RGMB: variants seen among roughly 807,000 people sequenced by gnomAD.
The protein encoded by RGMB is repulsive guidance molecule B.
Under a neutral mutation model 26.9 loss-of-function variants are expected in RGMB, and 16 were observed. The ratio of observed to expected loss-of-function variants is 0.60; its 90% CI spans 0.40 to 0.90. RGMB has a LOEUF of 0.90. Ranked by LOEUF, RGMB falls within the 40% of genes least tolerant of loss-of-function variation. The probability of loss-of-function intolerance (pLI) is 0.00; values close to 1 mark genes in which losing one functional copy is unlikely to be tolerated. For missense variants in RGMB, 512 were observed against 573.3 expected (o/e 0.89, Z 1.09); for synonymous variants, 225 against 229.3 (o/e 0.98, Z 0.17).
upstream of RGMB, chr5:98,770,652 G>A (rs1477949560): frequency 2.7e-6 from 4 of 1,456,370 alleles, no homozygotes; most frequent in Non-Finnish European, 3.6e-6. Context: ...CCCCCTCCAG[G>A]AGCGAAAGGG....
chr5:98,774,449 G>T (rs1746320168), intron 1 of RGMB, among the ~76,000 whole-genome samples: 1 of 152,190 alleles, frequency 6.6e-6, no homozygotes, highest in South Asian at 2.1e-4. Flanking sequence ...GGCTCGGACC[G>T]CTGACAAATC....
chr5:98,771,287 A>G (rs1746153316), upstream of RGMB: 1 of 152,196 alleles, frequency 6.6e-6, no homozygotes, highest in Non-Finnish European at 1.5e-5. Flanking sequence ...TTTTCTGATT[A>G]AAACATAAAA....
At chr5:98,790,768 GTTTAAATTT>G (rs549819872) in intron 2 of RGMB, among the ~76,000 whole-genome samples, 2 of 152,308 alleles carry the variant, frequency 1.3e-5, no homozygotes, top group East Asian at 3.9e-4. Context: ...TATCAAGTTG[GTTTAAATTT>G]TAGGTTTGTT....
chr5:98,794,159 T>A lies in RGMB; in HGVS notation c.*406T>A, dbSNP rs1473006013. The A allele has an allele frequency of 6.5e-6, 1 of 154,998 alleles. No individual in the cohort carries two copies. The highest frequency in any genetic ancestry group is 2.4e-5 in the African/African-American group (1 of 41,490). The allele number at this position is 154,998 out of a possible 1,614,324, so 9.6% of individuals were successfully genotyped here. On this transcript the variant is annotated 3_prime_UTR_variant, in exon 3 of 3. Coordinates refer to ENST00000513185, the MANE Select transcript of RGMB (RefSeq NM_001366508.1). ...TATTCTTGGCTGTACCTTCCTGCCC[T>A]TTCCCATTGCTACTGATTTGCCACG...
At chr5:98,776,994 G>A (rs1415733569) in intron 1 of RGMB, among the ~76,000 whole-genome samples, 1 of 151,994 alleles carries the variant, frequency 6.6e-6, no homozygotes. Flanking sequence ...GCTGAGGTAG[G>A]AGAATCGCTT....
chr5:98,778,543 A>G (rs1167758173), intron 1 of RGMB, among the ~76,000 whole-genome samples: 1 of 152,224 alleles, frequency 6.6e-6, no homozygotes, highest in African/African-American at 2.4e-5. Context: ...GTTACAGTTC[A>G]TTTATATAAA....
At chr5:98,785,218 CAG>C (rs1321477608) in intron 2 of RGMB, among the ~76,000 whole-genome samples, 2 of 152,320 alleles carry the variant, frequency 1.3e-5, no homozygotes, top group East Asian at 3.9e-4. Context: ...GCATTTGAAA[CAG>C]AAGGTACTAA....
At chr5:98,791,569 G>T (rs1746931399) in intron 2 of RGMB, among the ~76,000 whole-genome samples, 1 of 152,128 alleles carries the variant, frequency 6.6e-6, no homozygotes, top group Non-Finnish European at 1.5e-5. Flanking sequence ...GAGGTAGAAG[G>T]TTTCCTCCAT....
Position 98,793,091 on chromosome 5 carries a change from A to G in RGMB, c.652A>G (p.Ile218Val), listed in dbSNP as rs1303272426. The G allele has an allele frequency of 6.2e-6, 10 of 1,600,540 alleles. No individual in the cohort carries two copies. Among genetic ancestry groups the G allele is most frequent in the East Asian group, 2.2e-5 (1 of 44,588 alleles). Reference protein sequence around the residue: ...SSATATNKITIIFKAHHECTD... With the variant: ...SSATATNKITVIFKAHHECTD... ...TACATGCTCCTTCCCACAGATCACT[A>G]TTATCTTCAAAGCCCACCATGAGTG... Residue 218 changes from isoleucine to valine, a missense_variant, in exon 3 of 3, where the codon ATT (isoleucine) becomes GTT (valine). By Grantham distance (29) the Ile-to-Val change is conservative. Coordinates refer to ENST00000513185, the MANE Select transcript of RGMB (RefSeq NM_001366508.1).
At chr5:98,790,522 C>CA (rs1361558478) in intron 2 of RGMB, among the ~76,000 whole-genome samples, 1 of 152,126 alleles carries the variant, frequency 6.6e-6, no homozygotes, top group Non-Finnish European at 1.5e-5. Flanking sequence ...TAGCAGAGGA[C>CA]AATACTGTGG....
chr5:98,790,379 G>A (rs1468506812), intron 2 of RGMB, among the ~76,000 whole-genome samples: 6 of 152,302 alleles, frequency 3.9e-5, no homozygotes, highest in South Asian at 4.1e-4. Flanking sequence ...TTGTCTCACA[G>A]CAAATCACTA....
chr5:98,780,269 G>T (rs1706986413), intron 2 of RGMB, 181 bp downstream of exon 2: 2 of 570,918 alleles, frequency 3.5e-6, no homozygotes, highest in African/African-American at 1.9e-5. Context: ...TTATTGGAAT[G>T]TAAACGTGGT....
chr5:98,789,814 T>A (rs1009992213), intron 2 of RGMB, among the ~76,000 whole-genome samples: 1 of 152,248 alleles, frequency 6.6e-6, no homozygotes, highest in African/African-American at 2.4e-5. Flanking sequence ...AATTGAGTTA[T>A]GACAGCATAT....
At chr5:98,775,060 T>A (rs1348462981) in intron 1 of RGMB, among the ~76,000 whole-genome samples, 1 of 152,224 alleles carries the variant, frequency 6.6e-6, no homozygotes, top group African/African-American at 2.4e-5. Context: ...ATGCTAAGGT[T>A]GAAAGGGTCA....
intron 2 of RGMB, 44 bp downstream of exon 2, chr5:98,780,132 A>T (rs1008508971): frequency 1.3e-6 from 2 of 1,544,006 alleles, no homozygotes; most frequent in Non-Finnish European, 1.7e-6. Flanking sequence ...CAACTTTCAA[A>T]AGATGTTTGA....
intron 2 of RGMB, among the ~76,000 whole-genome samples, chr5:98,784,655 G>C (rs950421010): frequency 6.6e-6 from 1 of 152,200 alleles, no homozygotes; most frequent in Non-Finnish European, 1.5e-5. Context: ...GTATATCTCT[G>C]CATAAGGTTT....
At position 98,774,101 on chromosome 5, in the gene RGMB, G is replaced by A. The variant is rs2112335069; in HGVS notation, c.31G>A (p.Ala11Thr). ...CTTGAGAGCAGCACCTTCCAGCGCC[G>A]CCGCTGCCGCCGCCGAGGTTGAGCA... MGLRAAPSSA[A>T]AAAAEVEQRR... is the part of the protein sequence containing the mutation. The change falls in exon 1 of 3, where the codon GCC (alanine) becomes ACC (threonine). Residue 11 changes from alanine (A) to threonine (T), a missense_variant. Coordinates refer to ENST00000513185, the MANE Select transcript of RGMB (RefSeq NM_001366508.1). 1.6e-6 allele frequency: 2 copies of A among 1,280,728 alleles called. No homozygotes were observed. Among genetic ancestry groups the A allele is most frequent in the Non-Finnish European group, 1.1e-6 (1 of 927,946 alleles). The allele number at this position is 1,280,728 out of a possible 1,614,324, so 79.3% of individuals were successfully genotyped here. A position where few individuals can be genotyped will look rare whatever the true frequency, so the allele number is the denominator to read the frequency against.
At chr5:98,780,269 G>A in intron 2 of RGMB, 181 bp downstream of exon 2, 2 of 571,036 alleles carry the variant, frequency 3.5e-6, no homozygotes, top group Admixed American at 3.2e-5. Context: ...TTATTGGAAT[G>A]TAAACGTGGT....
chr5:98,780,374 A>G, intron 2 of RGMB: 4 of 322,900 alleles, frequency 1.2e-5, no homozygotes, highest in Non-Finnish European at 2.2e-5. Context: ...TAAAAAAAGG[A>G]TGCTTTTTTC....
Sources: gnomAD v4.1 joint callset for allele counts (sites outside exome capture counted in the v4.1 genomes callset) on GRCh38, gnomAD v4.1.1 for gene constraint, MANE v1.5 for transcripts, NCBI Gene and HGNC (gene_info 2026-07-23, HGNC 2026-07-21) for gene names.